The following GALNTL6 variants were observed in gnomAD, a reference collection of about 807,000 sequenced individuals.
GALNTL6 encodes the protein polypeptide N-acetylgalactosaminyltransferase like 6.
Under a neutral mutation model 73.7 loss-of-function variants are expected in GALNTL6, and 46 were observed. The ratio of observed to expected loss-of-function variants is 0.62; its 90% CI spans 0.49 to 0.80. GALNTL6 has a LOEUF of 0.80. Among genes scored for constraint, GALNTL6 ranks in the 30% least tolerant of loss-of-function variants. The pLI is 0.00. For missense variants in GALNTL6, 604 were observed against 755.0 expected (o/e 0.80, Z 2.34); for synonymous variants, 259 against 263.7 (o/e 0.98, Z 0.17).
chr4:172,218,209 A>G (rs980386866), intron 2 of GALNTL6, among the ~76,000 whole-genome samples: 2 of 152,128 alleles, frequency 1.3e-5, no homozygotes, highest in East Asian at 1.9e-4. Flanking sequence ...CAGATAAGCT[A>G]GAGTAGACTA....
intron 2 of GALNTL6, among the ~76,000 whole-genome samples, chr4:172,024,670 T>C (rs1002482492): frequency 2.6e-5 from 4 of 151,918 alleles, no homozygotes; most frequent in Non-Finnish European, 4.4e-5. Context: ...ATTTTTGCCA[T>C]AGAACTGTAT....
At chr4:172,431,477 T>C (rs1283100191) in intron 5 of GALNTL6, among the ~76,000 whole-genome samples, 1 of 152,198 alleles carries the variant, frequency 6.6e-6, no homozygotes, top group Non-Finnish European at 1.5e-5. Flanking sequence ...TATGTCAGCA[T>C]ATAAATACAT....
intron 5 of GALNTL6, among the ~76,000 whole-genome samples, chr4:172,592,716 CGAGAGA>C (rs1553963437): frequency 6.6e-6 from 1 of 151,534 alleles, no homozygotes; most frequent in Admixed American, 6.6e-5. Flanking sequence ...ATCTATCTAT[CGAGAGA>C]GACTATGAGA....
intron 5 of GALNTL6, among the ~76,000 whole-genome samples, chr4:172,417,516 A>G (rs1294830838): frequency 6.6e-6 from 1 of 152,134 alleles, no homozygotes; most frequent in Non-Finnish European, 1.5e-5. Context: ...GAGCATGGTC[A>G]CACATGCCTT....
At chr4:172,258,378 G>C (rs147146018) in intron 3 of GALNTL6, among the ~76,000 whole-genome samples, 1 of 151,054 alleles carries the variant, frequency 6.6e-6, no homozygotes, top group African/African-American at 2.4e-5. Flanking sequence ...GTCTAGATAT[G>C]GTTTTATCTG....
intron 10 of GALNTL6, among the ~76,000 whole-genome samples, chr4:172,999,416 GCAAAATTGTATCCACTGA>G (rs935373977): frequency 7.2e-5 from 11 of 152,184 alleles, no homozygotes; most frequent in African/African-American, 2.2e-4. Flanking sequence ...CCCTCTATTA[GCAAAATTGTATCCACTGA>G]CAAAATTGTA....
At chr4:172,913,408 G>A (rs1393379714) in intron 8 of GALNTL6, among the ~76,000 whole-genome samples, 1 of 152,244 alleles carries the variant, frequency 6.6e-6, no homozygotes, top group Non-Finnish European at 1.5e-5. Flanking sequence ...GTTGACAGAA[G>A]TAGGCTTCAG....
At chr4:172,304,427 A>AAC (rs1402173606) in intron 3 of GALNTL6, among the ~76,000 whole-genome samples, 1 of 151,326 alleles carries the variant, frequency 6.6e-6, no homozygotes, top group East Asian at 1.9e-4. Flanking sequence ...GTATATGGGA[A>AAC]AAAAAAAAGC....
chr4:172,118,051 TG>T (rs200188030), intron 2 of GALNTL6, among the ~76,000 whole-genome samples: 734 of 152,258 alleles, frequency 4.8e-3, no homozygotes, highest in South Asian at 0.032. Flanking sequence ...CATTAGAATA[TG>T]TGATATTTTA....
chr4:172,682,673 T>C (rs1166641311), intron 5 of GALNTL6, among the ~76,000 whole-genome samples: 1 of 152,140 alleles, frequency 6.6e-6, no homozygotes, highest in Admixed American at 6.6e-5. Flanking sequence ...CAGTAGAAGC[T>C]AGCTTTGCCA....
chr4:172,669,249 A>G (rs945938075), intron 5 of GALNTL6: 1 of 152,210 alleles, frequency 6.6e-6, no homozygotes, highest in African/African-American at 2.4e-5. Flanking sequence ...TGTCTCATAA[A>G]TGTGGCTGAG....
chr4:172,451,496 A>T lies in GALNTL6; in HGVS notation c.553+102807A>T, dbSNP rs147330250. Among the ~76,000 whole-genome samples, 315 of 152,294 alleles carry T rather than the reference A, an allele frequency of 2.1e-3. 1 individual carries two copies. Among genetic ancestry groups the T allele is most frequent in the Admixed American group, 0.016 (239 of 15,296 alleles). ...GTGTTACAAAATATGGGCACTAGGA[A>T]GAGATTCTAGAGGTTGATAGAAAGT... On this transcript the variant is annotated intron_variant, in intron 5 of 12. Coordinates refer to ENST00000506823, the MANE Select transcript of GALNTL6 (RefSeq NM_001034845.3).
chr4:172,144,676 G>A (rs1471568823), intron 2 of GALNTL6, among the ~76,000 whole-genome samples: 1 of 152,142 alleles, frequency 6.6e-6, no homozygotes, highest in Non-Finnish European at 1.5e-5. Context: ...CTAAATCTTA[G>A]TATGGTAGTC....
At chr4:172,954,388 C>G (rs917669131) in intron 10 of GALNTL6, among the ~76,000 whole-genome samples, 3 of 152,192 alleles carry the variant, frequency 2.0e-5, no homozygotes, top group African/African-American at 4.8e-5. Context: ...TTGCCTCATA[C>G]TTTTACAACA....
At chr4:171,842,607 G>A (rs938982190) in intron 2 of GALNTL6, among the ~76,000 whole-genome samples, 6 of 152,146 alleles carry the variant, frequency 3.9e-5, no homozygotes, top group East Asian at 3.9e-4. Context: ...ATAGAGAATC[G>A]ACATGTCATA....
chr4:172,925,970 T>G (rs1748037339), intron 8 of GALNTL6, among the ~76,000 whole-genome samples: 1 of 152,248 alleles, frequency 6.6e-6, no homozygotes, highest in Non-Finnish European at 1.5e-5. Flanking sequence ...ATTAGGTTGT[T>G]TTGCTATATC....
chr4:171,906,563 G>A (rs140073595), intron 2 of GALNTL6, among the ~76,000 whole-genome samples: 2,202 of 152,140 alleles, frequency 0.014, 55 homozygotes, highest in African/African-American at 0.049. Flanking sequence ...TCTACCAGAG[G>A]TACAAGGAGG....
At chr4:172,109,916 T>C (rs1451971152) in intron 2 of GALNTL6, among the ~76,000 whole-genome samples, 2 of 152,192 alleles carry the variant, frequency 1.3e-5, no homozygotes, top group Non-Finnish European at 2.9e-5. Context: ...TGCTTATAAG[T>C]ATGTAATTTT....
At chr4:172,858,500 T>C (rs2111128553) in intron 7 of GALNTL6, among the ~76,000 whole-genome samples, 1 of 152,244 alleles carries the variant, frequency 6.6e-6, no homozygotes, top group East Asian at 1.9e-4. Flanking sequence ...GAGCAACCCA[T>C]GCAACTAACA....
Sources: gnomAD v4.1 joint callset for allele counts (sites outside exome capture counted in the v4.1 genomes callset) on GRCh38, gnomAD v4.1.1 for gene constraint, MANE v1.5 for transcripts, NCBI Gene and HGNC (gene_info 2026-07-23, HGNC 2026-07-21) for gene names.